FTO: variants seen among roughly 807,000 people sequenced by gnomAD.
FTO encodes the protein alpha-ketoglutarate-dependent dioxygenase FTO.
FTO carries 47 observed loss-of-function variants against 63.9 expected under a neutral mutation model. The ratio of observed to expected loss-of-function variants is 0.74; its 90% CI spans 0.58 to 0.94. The LOEUF is 0.94. Ranked by LOEUF, FTO falls within the 40% of genes least tolerant of loss-of-function variation. The pLI, the probability that FTO is intolerant of heterozygous loss-of-function variation, is 0.00. For synonymous variants in FTO, 207 were observed against 224.4 expected (o/e 0.92, Z 0.69); for missense variants, 562 against 618.1 (o/e 0.91, Z 0.96).
intron 8 of FTO, among the ~76,000 whole-genome samples, chr16:54,037,062 A>G (rs856980): frequency 0.51 from 77,472 of 152,018 alleles, 21,526 homozygotes; most frequent in African/African-American, 0.73. Flanking sequence ...ATGGTTACCA[A>G]TGGGTTTTGA....
At chr16:53,739,504 G>A (rs2076481554) in intron 1 of FTO, among the ~76,000 whole-genome samples, 1 of 151,920 alleles carries the variant, frequency 6.6e-6, no homozygotes. Context: ...GTGAGCCACT[G>A]TGCCTGGCCT....
chr16:54,118,289 G>T lies in FTO; in HGVS notation c.*6374G>T. ...GAGAAGTTCAATGGTTCCAGATCCT[G>T]TGTGCTTCGGGTAATTCTGACCCTC... is the stretch of plus-strand genomic sequence containing the variant. On this transcript the variant is annotated 3_prime_UTR_variant, in exon 9 of 9. Coordinates refer to ENST00000471389, the MANE Select transcript of FTO (RefSeq NM_001080432.3). 6.6e-6 allele frequency: 1 copy of T among 152,204 alleles called. No individual in the cohort carries two copies. The allele number at this position is 152,204 out of a possible 1,614,324, so 9.4% of individuals were successfully genotyped here. A position where few individuals can be genotyped will look rare whatever the true frequency, so the allele number is the denominator to read the frequency against.
intron 8 of FTO, among the ~76,000 whole-genome samples, chr16:54,079,758 G>A (rs1041596924): frequency 3.3e-5 from 5 of 152,170 alleles, no homozygotes; most frequent in South Asian, 2.1e-4. Flanking sequence ...GGAGGCAGTC[G>A]CGACTCGGCT....
intron 1 of FTO, among the ~76,000 whole-genome samples, chr16:53,743,058 A>G (rs576955843): frequency 6.6e-6 from 1 of 152,318 alleles, no homozygotes; most frequent in African/African-American, 2.4e-5. Flanking sequence ...AAGTGAATCC[A>G]GGTATGTATA....
At chr16:53,823,432 C>T (rs867158566) in intron 2 of FTO, among the ~76,000 whole-genome samples, 8 of 152,144 alleles carry the variant, frequency 5.3e-5, no homozygotes, top group Middle Eastern at 6.8e-3. Flanking sequence ...GCTGATCACT[C>T]CCACATTGCG....
At chr16:54,001,281 G>A (rs370982087) in intron 8 of FTO, among the ~76,000 whole-genome samples, 48 of 152,230 alleles carry the variant, frequency 3.2e-4, no homozygotes, top group African/African-American at 1.0e-3. Flanking sequence ...AGTTTTTTCC[G>A]TGCCATTCTA....
chr16:53,856,058 A>G (rs2079981266), intron 4 of FTO, among the ~76,000 whole-genome samples: 1 of 151,420 alleles, frequency 6.6e-6, no homozygotes, highest in Non-Finnish European at 1.5e-5. Flanking sequence ...CCACCTGTCT[A>G]TTGAACATAA....
chr16:53,921,900 T>G (rs1455565110), intron 7 of FTO, among the ~76,000 whole-genome samples: 5 of 152,200 alleles, frequency 3.3e-5, no homozygotes, highest in Non-Finnish European at 5.9e-5. Context: ...AATACTTTTA[T>G]GTATAATCTA....
chr16:53,712,679 CT>C (rs1250315278), intron 1 of FTO, among the ~76,000 whole-genome samples: 2 of 152,204 alleles, frequency 1.3e-5, no homozygotes, highest in African/African-American at 4.8e-5. Context: ...CAAACAGTAG[CT>C]TCCTTGAAGA....
chr16:53,786,623 A>C (rs2077746960), intron 1 of FTO, among the ~76,000 whole-genome samples: 2 of 152,200 alleles, frequency 1.3e-5, no homozygotes, highest in African/African-American at 4.8e-5. Flanking sequence ...TTTGTGATGC[A>C]CTTGGATAGT....
At chr16:54,061,626 TG>T in intron 8 of FTO, 1 of 152,248 alleles carries the variant, frequency 6.6e-6, no homozygotes, top group African/African-American at 2.4e-5. Flanking sequence ...TGTGTGTGTG[TG>T]TGTGTACAGC....
chr16:54,003,585 G>T (rs1368907436), intron 8 of FTO, among the ~76,000 whole-genome samples: 1 of 151,938 alleles, frequency 6.6e-6, no homozygotes, highest in Non-Finnish European at 1.5e-5. Flanking sequence ...CAAACTTCTG[G>T]CCTCAAGTGA....
chr16:53,715,902 CTT>C (rs2075884580), intron 1 of FTO, among the ~76,000 whole-genome samples: 1 of 152,116 alleles, frequency 6.6e-6, no homozygotes, highest in Non-Finnish European at 1.5e-5. Flanking sequence ...TTAGTGTACC[CTT>C]TGTGTACCAG....
intron 7 of FTO, among the ~76,000 whole-genome samples, chr16:53,923,336 G>A (rs1297800725): frequency 2.0e-5 from 3 of 152,202 alleles, no homozygotes; most frequent in African/African-American, 7.2e-5. Context: ...TTCTTAATGG[G>A]CTGTCAGGGG....
At chr16:53,830,186 A>T (rs1192270114) in intron 3 of FTO, among the ~76,000 whole-genome samples, 4 of 152,222 alleles carry the variant, frequency 2.6e-5, no homozygotes, top group African/African-American at 9.6e-5. Context: ...TACTAAATTC[A>T]TTGGCTTTCA....
chr16:54,068,752 C>T (rs1178794943), intron 8 of FTO, among the ~76,000 whole-genome samples: 1 of 152,100 alleles, frequency 6.6e-6, no homozygotes, highest in African/African-American at 2.4e-5. Flanking sequence ...TTTGACCTCC[C>T]TTTGTGCATG....
intron 1 of FTO, among the ~76,000 whole-genome samples, chr16:53,798,046 A>G (rs2078121963): frequency 6.6e-6 from 1 of 152,124 alleles, no homozygotes; most frequent in Admixed American, 6.6e-5. Context: ...ATAGATATCT[A>G]ATTCTTCAAG....
At chr16:53,721,001 G>A (rs2076026452) in intron 1 of FTO, among the ~76,000 whole-genome samples, 1 of 152,032 alleles carries the variant, frequency 6.6e-6, no homozygotes, top group Non-Finnish European at 1.5e-5. Context: ...TGTTGCTCAG[G>A]CTGGTTTCAA....
chr16:53,865,394 C>G (rs2080280203), intron 4 of FTO, among the ~76,000 whole-genome samples: 1 of 152,130 alleles, frequency 6.6e-6, no homozygotes. Context: ...TTTTTATCCT[C>G]TATATTGTTG....
Sources: gnomAD v4.1 joint callset for allele counts (sites outside exome capture counted in the v4.1 genomes callset) on GRCh38, gnomAD v4.1.1 for gene constraint, MANE v1.5 for transcripts, NCBI Gene and HGNC (gene_info 2026-07-23, HGNC 2026-07-21) for gene names.